Variants in VWA3B observed in about 807,000 individuals in gnomAD.
VWA3B encodes the protein von Willebrand factor A domain containing 3B.
In VWA3B, 138 loss-of-function variants were observed where a neutral mutation model predicts 158.3. That is an observed-to-expected ratio of 0.87 (90% CI 0.76 to 1.00). VWA3B has a LOEUF of 1.00. Among genes scored for constraint, VWA3B ranks in the 50% least tolerant of loss-of-function variants. The pLI is 0.00. For synonymous variants in VWA3B, 596 were observed against 587.3 expected, an observed-to-expected ratio of 1.01 and a Z score of -0.21; for missense variants, 1,555 against 1,565.1, an observed-to-expected ratio of 0.99 and a Z score of 0.11.
intron 7 of VWA3B, among the ~76,000 whole-genome samples, chr2:98,143,378 T>C (rs536778123): frequency 4.6e-5 from 7 of 152,328 alleles, no homozygotes; most frequent in Admixed American, 4.6e-4. Flanking sequence ...AGTTCACCTG[T>C]TTCTTTTTAC....
At chr2:98,317,736 C>G (rs1026436660), downstream of VWA3B, among the ~76,000 whole-genome samples, 16 of 152,152 alleles carry the variant, frequency 1.1e-4, no homozygotes, top group African/African-American at 3.9e-4. Context: ...TGTCTCATGT[C>G]TCCCTAAAAT....
chr2:98,265,981 C>G (rs1346454112), intron 21 of VWA3B, among the ~76,000 whole-genome samples: 4 of 139,652 alleles, frequency 2.9e-5, no homozygotes, highest in Non-Finnish European at 6.3e-5. Context: ...AAATTTTCTC[C>G]CATTTTGTAG....
At chr2:98,124,961 T>A (rs889187163) in intron 5 of VWA3B, among the ~76,000 whole-genome samples, 3 of 152,214 alleles carry the variant, frequency 2.0e-5, no homozygotes, top group Admixed American at 1.3e-4. Context: ...TGATGTCATA[T>A]GAAGTGGCAA....
At chr2:98,290,161 G>A (rs1003893355) in intron 22 of VWA3B, among the ~76,000 whole-genome samples, 3 of 152,182 alleles carry the variant, frequency 2.0e-5, no homozygotes, top group African/African-American at 7.2e-5. Flanking sequence ...CACAATTGGG[G>A]AGGCCACAGG....
In VWA3B at chr2:98,121,316, T is replaced by A. The variant is rs374777414; in HGVS notation, c.560T>A (p.Val187Glu). The change falls in exon 5 of 28, where the codon GTG becomes GAG. Residue 187 changes from valine (V) to glutamate (E), a missense_variant. Coordinates refer to ENST00000477737, the MANE Select transcript of VWA3B (RefSeq NM_144992.5). ...FNIIRVSQEP[V>E]KWQENATPVT... ...CTTTTCAGGGTTTCTCAAGAGCCTGTGAAGTGGCAGGAAAATGCTACTCCT... is the reference window on the plus strand; with the variant it reads ...CTTTTCAGGGTTTCTCAAGAGCCTGAGAAGTGGCAGGAAAATGCTACTCCT... 71 of 1,613,718 alleles carry A rather than the reference T, an allele frequency of 4.4e-5. No homozygotes were observed. The highest frequency in any genetic ancestry group is 3.8e-5 in the Non-Finnish European group (45 of 1,179,734).
chr2:98,268,783 CTT>C (rs987376307), intron 21 of VWA3B, among the ~76,000 whole-genome samples: 1 of 151,734 alleles, frequency 6.6e-6, no homozygotes, highest in Admixed American at 6.6e-5. Flanking sequence ...ATATGAGACT[CTT>C]AAACATACAA....
intron 10 of VWA3B, 80 bp from the exon 11 acceptor site, chr2:98,192,818 A>G: frequency 5.0e-6 from 8 of 1,586,116 alleles, no homozygotes; most frequent in African/African-American, 1.3e-5. Flanking sequence ...TCCTCTGCAG[A>G]TGCATCGTTA....
intron 22 of VWA3B, 146 bp downstream of exon 22, chr2:98,271,029 T>A (rs910285209): frequency 7.8e-6 from 6 of 765,746 alleles, no homozygotes; most frequent in African/African-American, 1.8e-5. Context: ...AAGGTCTCAG[T>A]ACTTTTTTTC....
At chr2:98,127,526 G>T (rs1675464746) in intron 5 of VWA3B, among the ~76,000 whole-genome samples, 2 of 144,050 alleles carry the variant, frequency 1.4e-5, no homozygotes, top group South Asian at 4.4e-4. Flanking sequence ...GGGATTGTCT[G>T]CTTACTGGGG....
chr2:98,092,134 G>T (rs1682339033), intron 1 of VWA3B, among the ~76,000 whole-genome samples: 1 of 152,198 alleles, frequency 6.6e-6, no homozygotes, highest in South Asian at 2.1e-4. Flanking sequence ...TTCCAGCTGG[G>T]CTGAGCTGTG....
chr2:98,145,222 ATC>A (rs1427757856), intron 7 of VWA3B, among the ~76,000 whole-genome samples: 1 of 152,192 alleles, frequency 6.6e-6, no homozygotes, highest in Non-Finnish European at 1.5e-5. Context: ...CTTGGATTGT[ATC>A]TTTAAATATT....
chr2:98,209,273 T>TTTTG (rs372769169), intron 12 of VWA3B, among the ~76,000 whole-genome samples: 24 of 152,220 alleles, frequency 1.6e-4, no homozygotes, highest in South Asian at 1.0e-3. Context: ...AAATTTGTTT[T>TTTTG]TTTGTTTGTT....
intron 25 of VWA3B, among the ~76,000 whole-genome samples, chr2:98,302,713 G>A (rs1056437388): frequency 7.9e-5 from 12 of 152,180 alleles, no homozygotes; most frequent in African/African-American, 2.7e-4. Context: ...GTAGGCATTC[G>A]AACACAGACA....
At chr2:98,311,480 C>A (rs1290670587) in intron 26 of VWA3B, among the ~76,000 whole-genome samples, 2 of 152,174 alleles carry the variant, frequency 1.3e-5, no homozygotes, top group African/African-American at 4.8e-5. Flanking sequence ...TGTGATGGGG[C>A]CAAGCTCATC....
chr2:98,254,933 GGT>G (rs1219016008), intron 20 of VWA3B, among the ~76,000 whole-genome samples: 1 of 152,132 alleles, frequency 6.6e-6, no homozygotes, highest in Non-Finnish European at 1.5e-5. Context: ...GCTGATGCTG[GGT>G]CCAGTGGTTA....
intron 1 of VWA3B, among the ~76,000 whole-genome samples, chr2:98,092,622 A>ATG: frequency 6.6e-6 from 1 of 152,040 alleles, no homozygotes; most frequent in Non-Finnish European, 1.5e-5. Flanking sequence ...CAGCCTGGGC[A>ATG]ACAGAGCGAG....
chr2:98,211,007 G>A (rs542592530), intron 12 of VWA3B, among the ~76,000 whole-genome samples: 2 of 152,320 alleles, frequency 1.3e-5, no homozygotes, highest in South Asian at 2.1e-4. Flanking sequence ...CAGTGCCAGC[G>A]AGGAAAGCCA....
the VWA3B span, among the ~76,000 whole-genome samples, chr2:98,327,703 C>G: frequency 6.6e-6 from 1 of 152,216 alleles, no homozygotes; most frequent in Non-Finnish European, 1.5e-5. Flanking sequence ...AAGACAACCT[C>G]TGTGTGTTGG....
intron 13 of VWA3B, among the ~76,000 whole-genome samples, chr2:98,213,550 G>A (rs1683718443): frequency 2.6e-5 from 4 of 152,216 alleles, no homozygotes; most frequent in Non-Finnish European, 5.9e-5. Context: ...CAGTGAGTGA[G>A]AGGTGAGGAG....
Sources: gnomAD v4.1 joint callset for allele counts (sites outside exome capture counted in the v4.1 genomes callset) on GRCh38, gnomAD v4.1.1 for gene constraint, MANE v1.5 for transcripts, NCBI Gene and HGNC (gene_info 2026-07-23, HGNC 2026-07-21) for gene names.